The following LARP1B variants were observed in gnomAD, a reference collection of about 807,000 sequenced individuals.
LARP1B encodes the protein La ribonucleoprotein 1B.
In LARP1B, 76 loss-of-function variants were observed where a neutral mutation model predicts 114.2. That is an observed-to-expected ratio of 0.67 (90% CI 0.55 to 0.81). The LOEUF is 0.81. Among genes scored for constraint, LARP1B ranks in the 30% least tolerant of loss-of-function variants. The pLI is 0.00. For missense variants in LARP1B, 1,014 were observed against 1,075.8 expected, an observed-to-expected ratio of 0.94 and a Z score of 0.80; for synonymous variants, 345 against 348.0, an observed-to-expected ratio of 0.99 and a Z score of 0.10.
At chr4:128,099,807 T>A (rs533033581) in intron 8 of LARP1B, among the ~76,000 whole-genome samples, 9 of 152,298 alleles carry the variant, frequency 5.9e-5, no homozygotes, top group Non-Finnish European at 1.0e-4. Context: ...TGCCTATCTT[T>A]ATAAGAAAAT....
At chr4:128,178,769 A>G in intron 14 of LARP1B, 127 bp downstream of exon 14, 1 of 803,086 alleles carries the variant, frequency 1.2e-6, no homozygotes, top group African/African-American at 1.7e-5. Context: ...CTTAAAAATC[A>G]TACTTTACCA....
At chr4:128,173,481 T>C (rs1303882320) in intron 12 of LARP1B, among the ~76,000 whole-genome samples, 1 of 152,172 alleles carries the variant, frequency 6.6e-6, no homozygotes, top group Non-Finnish European at 1.5e-5. Context: ...TAATATTGAG[T>C]TTTATTTTTA....
intron 1 of LARP1B, among the ~76,000 whole-genome samples, chr4:128,070,252 G>A (rs1429439122): frequency 2.6e-5 from 4 of 152,076 alleles, no homozygotes; most frequent in South Asian, 2.1e-4. Context: ...GCCGGGAGGC[G>A]GAGCTTGCAG....
chr4:128,206,569 A>G (rs1334459267), intron 18 of LARP1B, 32 bp downstream of exon 18: 12 of 1,579,888 alleles, frequency 7.6e-6, no homozygotes, highest in Non-Finnish European at 1.0e-5. Flanking sequence ...TTGTACTCTA[A>G]TTGGAAATTG....
At position 128,219,796 on chromosome 4, in the gene LARP1B, A is replaced by AAAATAAAT. The variant is rs368581014; in HGVS notation, n.849-530_849-523dup. Among the ~76,000 whole-genome samples the AAAATAAAT allele has an allele frequency of 5.4e-3, 797 of 148,018 alleles. 1 individual carries two copies. Among genetic ancestry groups the AAAATAAAT allele is most frequent in the African/African-American group, 0.013 (508 of 40,078 alleles). On this transcript the variant is annotated intron_variant and non_coding_transcript_variant, in intron 6 of 7. Coordinates refer to the LARP1B transcript ENST00000503725. ...TGTACCCTAAAACTTAAAGTATAAT[A>AAAATAAAT]AAATAAATAAATAAATAAATAAATA... is the stretch of plus-strand genomic sequence containing the variant.
intron 12 of LARP1B, among the ~76,000 whole-genome samples, chr4:128,173,745 C>T (rs1253700667): frequency 6.6e-6 from 1 of 152,134 alleles, no homozygotes; most frequent in Admixed American, 6.5e-5. Flanking sequence ...TAACAAGTTC[C>T]CAAGTCATGC....
chr4:128,210,242 G>C lies in LARP1B; in HGVS notation c.*189G>C, dbSNP rs1758737627. ...AAAGTGGTAGCATTTTTTCTAACAA[G>C]ATAAATTCTAAAAATGTTTTCCCTG... is the stretch of plus-strand genomic sequence containing the variant. On this transcript the variant is annotated 3_prime_UTR_variant, in exon 20 of 20. Transcript: ENST00000326639. 7.1e-7 allele frequency: 1 copy of C among 1,405,886 alleles called. No homozygotes were observed. Among genetic ancestry groups the C allele is most frequent in the African/African-American group, 1.4e-5 (1 of 69,388 alleles). 87.1% of individuals were successfully genotyped at this position (1,405,886 alleles called of 1,614,324 possible). A position where few individuals can be genotyped will look rare whatever the true frequency, so the allele number is the denominator to read the frequency against.
intron 6 of LARP1B, among the ~76,000 whole-genome samples, chr4:128,217,041 A>G (rs1218251086): frequency 6.6e-6 from 1 of 151,134 alleles, no homozygotes; most frequent in Admixed American, 6.6e-5. Flanking sequence ...TAGAAAATCT[A>G]GAAGAAATGG....
intron 4 of LARP1B, among the ~76,000 whole-genome samples, chr4:128,078,562 T>C (rs1768926352): frequency 2.0e-5 from 3 of 151,472 alleles, no homozygotes; most frequent in South Asian, 4.2e-4. Flanking sequence ...GGTCGCGCCA[T>C]TGCACTCCAG....
chr4:128,162,409 T>C, intron 12 of LARP1B, 92 bp downstream of exon 12: 1 of 1,143,786 alleles, frequency 8.7e-7, no homozygotes, highest in Non-Finnish European at 1.2e-6. Flanking sequence ...TCTTTATTTG[T>C]GGAAAATCAT....
At chr4:128,135,980 AAAAT>A (rs1007791208) in intron 11 of LARP1B, among the ~76,000 whole-genome samples, 12 of 152,148 alleles carry the variant, frequency 7.9e-5, no homozygotes, top group African/African-American at 2.9e-4. Context: ...AATTAAAAAA[AAAAT>A]AACCAAAAGA....
intron 17 of LARP1B, among the ~76,000 whole-genome samples, chr4:128,206,008 C>T (rs1321530252): frequency 2.0e-5 from 3 of 152,096 alleles, no homozygotes; most frequent in East Asian, 1.9e-4. Flanking sequence ...ATCTGCATAC[C>T]GGCCGGGCGC....
chr4:128,121,287 C>T (rs980489234), intron 10 of LARP1B, among the ~76,000 whole-genome samples: 1 of 152,166 alleles, frequency 6.6e-6, no homozygotes, highest in African/African-American at 2.4e-5. Flanking sequence ...ATCAGAAGAC[C>T]TTGATTCTAT....
intron 4 of LARP1B, among the ~76,000 whole-genome samples, chr4:128,079,175 A>T (rs968596640): frequency 6.7e-6 from 1 of 150,302 alleles, no homozygotes; most frequent in African/African-American, 2.5e-5. Flanking sequence ...ACTCACTGCA[A>T]CCTCTGCCTC....
intron 5 of LARP1B, among the ~76,000 whole-genome samples, chr4:128,089,349 T>A (rs1774930726): frequency 6.6e-6 from 1 of 152,210 alleles, no homozygotes; most frequent in Middle Eastern, 3.2e-3. Flanking sequence ...TTCTACCTGT[T>A]TTTTGAGACA....
intron 10 of LARP1B, among the ~76,000 whole-genome samples, chr4:128,116,103 G>T (rs1368932686): frequency 6.6e-6 from 1 of 152,182 alleles, no homozygotes; most frequent in African/African-American, 2.4e-5. Flanking sequence ...TTGGTGGAGG[G>T]TACATAAGAG....
chr4:128,107,080 A>T, intron 8 of LARP1B, 59 bp from the exon 9 acceptor site: 2 of 1,401,074 alleles, frequency 1.4e-6, no homozygotes, highest in East Asian at 2.3e-5. Flanking sequence ...AGGTTCTTAG[A>T]AGTATAGCAC....
chr4:128,090,743 C>T (rs921444987), intron 5 of LARP1B, among the ~76,000 whole-genome samples: 14 of 152,188 alleles, frequency 9.2e-5, no homozygotes, highest in African/African-American at 3.4e-4. Context: ...AAAACTATCT[C>T]TTTACCTTTC....
chr4:128,063,846 A>G (rs943982380), intron 1 of LARP1B, among the ~76,000 whole-genome samples: 1 of 152,350 alleles, frequency 6.6e-6, no homozygotes, highest in East Asian at 1.9e-4. Flanking sequence ...TGAACTTTTT[A>G]TATGCAAATG....
Sources: gnomAD v4.1 joint callset for allele counts (sites outside exome capture counted in the v4.1 genomes callset) on GRCh38, gnomAD v4.1.1 for gene constraint, MANE v1.5 for transcripts, NCBI Gene and HGNC (gene_info 2026-07-23, HGNC 2026-07-21) for gene names.